The following NUP85 variants were observed in gnomAD, a reference collection of about 807,000 sequenced individuals.
The protein encoded by NUP85 is nuclear pore complex protein Nup85.
NUP85 carries 23 observed loss-of-function variants against 92.8 expected under a neutral mutation model. That is an observed-to-expected ratio of 0.25 (90% confidence interval 0.18 to 0.35). The LOEUF (loss-of-function observed/expected upper bound fraction) is 0.35. Ranked by LOEUF, NUP85 falls within the 10% of genes least tolerant of loss-of-function variation. The probability of loss-of-function intolerance (pLI) is 1.00; values close to 1 mark genes in which losing one functional copy is unlikely to be tolerated. For synonymous variants in NUP85, 314 were observed against 306.9 expected (o/e 1.02, Z -0.24); for missense variants, 759 against 822.8 (o/e 0.92, Z 0.95).
At chr17:75,230,894 TG>T (rs1476992414) in intron 11 of NUP85, among the ~76,000 whole-genome samples, 3 of 150,888 alleles carry the variant, frequency 2.0e-5, no homozygotes, top group African/African-American at 4.9e-5. Context: ...CACTCCCGTC[TG>T]GGTGACAGAG....
At chr17:75,213,705 C>A (rs2075340404) in intron 5 of NUP85, among the ~76,000 whole-genome samples, 1 of 151,638 alleles carries the variant, frequency 6.6e-6, no homozygotes, top group Admixed American at 6.6e-5. Context: ...CATAAACACT[C>A]CTCACTTCTT....
At chr17:75,233,385 T>C (rs868864342) in intron 16 of NUP85, among the ~76,000 whole-genome samples, 116 of 132,780 alleles carry the variant, frequency 8.7e-4, no homozygotes, top group African/African-American at 3.3e-3. Flanking sequence ...CTTTCTCTCT[T>C]TCTTTCTCTT....
chr17:75,215,676 A>G, intron 5 of NUP85, 78 bp from the exon 6 acceptor site: 1 of 1,309,246 alleles, frequency 7.6e-7, no homozygotes, highest in Non-Finnish European at 1.1e-6. Flanking sequence ...TATGAGTCAA[A>G]GTCTGCTTTA....
At chr17:75,235,366 A>G (rs2076291521) in intron 18 of NUP85, 165 bp downstream of exon 18, 1 of 619,754 alleles carries the variant, frequency 1.6e-6, no homozygotes, top group East Asian at 2.8e-5. Flanking sequence ...GGAGAAAATC[A>G]GGGATTCTAG....
intron 5 of NUP85, among the ~76,000 whole-genome samples, chr17:75,214,986 A>T (rs2075385656): frequency 6.6e-6 from 1 of 151,928 alleles, no homozygotes. Context: ...CCTGGCTAAC[A>T]AGGTGAAACC....
chr17:75,229,599 C>T (rs1201784831), intron 11 of NUP85, among the ~76,000 whole-genome samples: 4 of 152,094 alleles, frequency 2.6e-5, no homozygotes, highest in Non-Finnish European at 4.4e-5. Context: ...GGAGTGTGTG[C>T]GTGTGTGATC....
intron 1 of NUP85, among the ~76,000 whole-genome samples, chr17:75,206,331 C>G (rs2075079626): frequency 6.6e-6 from 1 of 152,016 alleles, no homozygotes; most frequent in Admixed American, 6.6e-5. Context: ...TACGAGATAC[C>G]TACCGTTTCT....
chr17:75,220,874 C>G (rs1442814771), intron 7 of NUP85, among the ~76,000 whole-genome samples: 5 of 139,296 alleles, frequency 3.6e-5, no homozygotes, highest in Non-Finnish European at 6.2e-5. Flanking sequence ...ATCCCACCAT[C>G]CCAATTTTTT....
rs2076254638 is a variant in NUP85 at position 75,234,656 on chromosome 17, C to T, written c.1635C>T (p.His545=). Residue 545 remains histidine, a synonymous_variant, in exon 17 of 19, where the codon CAC becomes CAT. Coordinates refer to ENST00000245544, the MANE Select transcript of NUP85 (RefSeq NM_024844.5). Reference sequence around the variant, plus strand: ...CCATAGGAAAGTATCGCGAGTTCCACCGTATGTACGGGGAGAAGCGTTTTG... The same window carrying T: ...CCATAGGAAAGTATCGCGAGTTCCATCGTATGTACGGGGAGAAGCGTTTTG... ...LTFLGKYREF[H]RMYGEKRFAD... 6.2e-7 allele frequency: 1 copy of T among 1,614,218 alleles called. No homozygotes were observed.
At chr17:75,234,809 G>A (rs371329944) in intron 17 of NUP85, 21 bp downstream of exon 17, 61 of 1,613,598 alleles carry the variant, frequency 3.8e-5, no homozygotes, top group South Asian at 2.3e-4. Context: ...CAGCAGCAGT[G>A]GTTTTCTTTG....
intron 9 of NUP85, 84 bp from the exon 10 acceptor site, chr17:75,225,614 G>C: frequency 6.3e-7 from 1 of 1,584,570 alleles, no homozygotes; most frequent in South Asian, 1.2e-5. Context: ...GTTGAAATCC[G>C]GTGCCCTTAG....
At position 75,219,731 on chromosome 17, in the gene NUP85, T is replaced by C. The variant is rs558762213; in HGVS notation, c.597+1425T>C. 1.2e-3 allele frequency among the ~76,000 whole-genome samples: 178 copies of C among 152,110 alleles called. 2 individuals carry two copies. Among genetic ancestry groups the C allele is most frequent in the African/African-American group, 4.2e-3 (174 of 41,486 alleles). On this transcript the variant is annotated intron_variant, in intron 7 of 18. Coordinates refer to ENST00000245544, the MANE Select transcript of NUP85 (RefSeq NM_024844.5). ...TAGTACCATGTATCCTGGCACATAG[T>C]GAAATGCTCTGCCAAGGTGCCAAGA...
At chr17:75,227,221 G>A (rs1425765744) in intron 11 of NUP85, among the ~76,000 whole-genome samples, 1 of 151,670 alleles carries the variant, frequency 6.6e-6, no homozygotes, top group Non-Finnish European at 1.5e-5. Flanking sequence ...AGTTTCCTTC[G>A]CCCTACCTGC....
At position 75,235,181 on chromosome 17, in the gene NUP85, T is replaced by C; in HGVS notation, c.1849T>C (p.Ser617Pro). 6.2e-7 allele frequency: 1 copy of C among 1,613,720 alleles called. No homozygotes were observed. Among genetic ancestry groups the C allele is most frequent in the African/African-American group, 1.3e-5 (1 of 75,024 alleles). Residue 617 changes from serine (S) to proline (P), a missense_variant, in exon 18 of 19, where the codon TCT (serine) becomes CCT (proline). Coordinates refer to ENST00000245544, the MANE Select transcript of NUP85 (RefSeq NM_024844.5). ...LTSRRPVHGESDTEQLQDDDI... is the reference protein window; with the variant it reads ...LTSRRPVHGEPDTEQLQDDDI... ...GTCAAGAAGACCTGTGCATGGAGAA[T>C]CTGATACCGAGCAGCTCCAGGTCAT...
chr17:75,210,381 G>A (rs962677661), intron 3 of NUP85, among the ~76,000 whole-genome samples: 7 of 152,100 alleles, frequency 4.6e-5, no homozygotes, highest in African/African-American at 1.2e-4. Context: ...GAAAACTCTC[G>A]TACTATTTAT....
intron 11 of NUP85, chr17:75,228,914 G>A: frequency 1.0e-6 from 1 of 985,418 alleles, no homozygotes; most frequent in Non-Finnish European, 1.2e-6. Context: ...GTGCCTGGGT[G>A]GGCATGCTTG....
intron 4 of NUP85, 150 bp from the exon 5 acceptor site, chr17:75,212,926 A>G: frequency 1.2e-6 from 1 of 825,936 alleles, no homozygotes; most frequent in Non-Finnish European, 1.9e-6. Flanking sequence ...AACAGCAACA[A>G]AAAAATCCAT....
At chr17:75,228,267 A>G in intron 11 of NUP85, 1 of 985,432 alleles carries the variant, frequency 1.0e-6, no homozygotes, top group Non-Finnish European at 1.2e-6. Context: ...GAGAAGTACC[A>G]TGAAGAGGGG....
chr17:75,230,538 TTTTGTAGAGA>T (rs1232326633), intron 11 of NUP85, among the ~76,000 whole-genome samples: 2 of 151,966 alleles, frequency 1.3e-5, no homozygotes, highest in Non-Finnish European at 2.9e-5. Flanking sequence ...TTTTTGTACT[TTTTGTAGAGA>T]TGGGGTTTCA....
Sources: allele counts gnomAD v4.1 joint callset (sites outside exome capture counted in the v4.1 genomes callset), GRCh38; gene constraint gnomAD v4.1.1; transcripts MANE v1.5; gene names NCBI Gene and HGNC (gene_info 2026-07-23, HGNC 2026-07-21).